Variants in TUT4 observed in about 807,000 individuals in gnomAD.
TUT4 encodes the protein terminal uridylyl transferase 4.
A neutral mutation model predicts 192.2 loss-of-function variants in TUT4; 36 were observed. That is an observed-to-expected ratio of 0.19 (90% confidence interval 0.14 to 0.25). TUT4 has a LOEUF of 0.25. TUT4 is among the 10% of genes least tolerant of loss of function. The pLI, the probability that TUT4 is intolerant of heterozygous loss-of-function variation, is 1.00. For missense variants in TUT4, 1,493 were observed against 1,957.2 expected (o/e 0.76, Z 4.47); for synonymous variants, 618 against 666.0 (o/e 0.93, Z 1.11).
intron 2 of TUT4, among the ~76,000 whole-genome samples, chr1:52,520,315 C>T (rs1001823386): frequency 7.2e-5 from 11 of 152,152 alleles, no homozygotes; most frequent in African/African-American, 2.7e-4. Context: ...ACTCTAAATA[C>T]TAGTAATGTG....
chr1:52,474,819 A>G lies in TUT4; in HGVS notation c.2727+13T>C. Reference sequence around the variant, plus strand: ...CACAAAATCTTACAGATCATTTACAAACTGTATCCTACCTTGCCAGAGGTT... The same window carrying G: ...CACAAAATCTTACAGATCATTTACAGACTGTATCCTACCTTGCCAGAGGTT... On this transcript the variant is annotated intron_variant, in intron 13 of 29. Transcript: ENST00000257177. 2 of 1,561,638 alleles carry G rather than the reference A, an allele frequency of 1.3e-6. No homozygotes were observed. Among genetic ancestry groups the G allele is most frequent in the South Asian group, 1.2e-5 (1 of 84,704 alleles).
intron 4 of TUT4, 117 bp from the exon 5 acceptor site, chr1:52,497,300 T>C (rs979856470): frequency 8.7e-6 from 9 of 1,030,844 alleles, no homozygotes; most frequent in Non-Finnish European, 1.1e-5. Context: ...TCACCTTCCA[T>C]CTACCAGATA....
At chr1:52,533,024 T>C (rs1466556647) in intron 1 of TUT4, among the ~76,000 whole-genome samples, 1 of 152,216 alleles carries the variant, frequency 6.6e-6, no homozygotes, top group African/African-American at 2.4e-5. Flanking sequence ...TGTATAGGAA[T>C]AAACAACTAA....
intron 1 of TUT4, among the ~76,000 whole-genome samples, chr1:52,541,535 A>G (rs923713709): frequency 2.0e-5 from 3 of 152,102 alleles, no homozygotes; most frequent in Non-Finnish European, 4.4e-5. Context: ...CCGTCTCAAA[A>G]AAAAAAAAGA....
chr1:52,438,722 C>G (rs1277142278), intron 24 of TUT4, among the ~76,000 whole-genome samples: 3 of 152,214 alleles, frequency 2.0e-5, no homozygotes, highest in Non-Finnish European at 4.4e-5. Context: ...CACAACAAAA[C>G]TCATGCTTTC....
At chr1:52,498,240 CTTT>C (rs556089149) in intron 4 of TUT4, among the ~76,000 whole-genome samples, 3 of 119,412 alleles carry the variant, frequency 2.5e-5, no homozygotes, top group Middle Eastern at 4.2e-3. Context: ...AGTTTCAGTA[CTTT>C]TTTTTTTTTT....
In TUT4 at chr1:52,425,496, G is replaced by C. The variant is rs1176695450; in HGVS notation, c.4723C>G (p.Arg1575Gly). 3 of 1,611,208 alleles carry C rather than the reference G, an allele frequency of 1.9e-6. No homozygotes were observed. The highest frequency in any genetic ancestry group is 2.5e-6 in the Non-Finnish European group (3 of 1,178,784). ...GAVGNSEPGF[R>G]GLTPPIPWEH... The stretch of plus-strand genomic sequence containing the variant: ...CAAGGAATTGGAGGAGTCAGTCCTC[G>C]AAAGCCTGGCTCTGCATTTCAACAA... The change falls in exon 29 of 30, where the codon CGA becomes GGA. Residue 1575 changes from arginine (R) to glycine (G), a missense_variant. Arg to Gly is a moderately radical substitution (Grantham distance 125). Transcript: ENST00000257177.
intron 20 of TUT4, among the ~76,000 whole-genome samples, chr1:52,457,610 C>G (rs183495734): frequency 3.9e-5 from 6 of 152,302 alleles, no homozygotes; most frequent in East Asian, 3.9e-4. Context: ...CCAACCAAGT[C>G]TGATGCTTGT....
intron 15 of TUT4, 66 bp from the exon 16 acceptor site, chr1:52,465,239 G>T: frequency 9.3e-7 from 1 of 1,073,722 alleles, no homozygotes; most frequent in Non-Finnish European, 1.4e-6. Context: ...TCTGCTATCT[G>T]CTGATGACCT....
chr1:52,533,923 A>G (rs1307845642), intron 1 of TUT4, among the ~76,000 whole-genome samples: 1 of 152,218 alleles, frequency 6.6e-6, no homozygotes, highest in Non-Finnish European at 1.5e-5. Context: ...CTGAGATTGC[A>G]CCACTGCACT....
At chr1:52,531,765 G>A (rs1284726311) in intron 1 of TUT4, among the ~76,000 whole-genome samples, 3 of 151,850 alleles carry the variant, frequency 2.0e-5, no homozygotes, top group Non-Finnish European at 4.4e-5. Flanking sequence ...TACCCAGGGT[G>A]GGCTCAGATA....
chr1:52,495,581 C>A, intron 5 of TUT4, 66 bp from the exon 6 acceptor site: 1 of 1,255,822 alleles, frequency 8.0e-7, no homozygotes, highest in Non-Finnish European at 1.1e-6. Flanking sequence ...AAAAAAACAG[C>A]GACGGGAAAA....
intron 2 of TUT4, among the ~76,000 whole-genome samples, chr1:52,518,368 C>T (rs781604559): frequency 1.3e-5 from 2 of 152,202 alleles, no homozygotes; most frequent in Non-Finnish European, 2.9e-5. Flanking sequence ...ATCAAGGTGT[C>T]AGCAAGGTCA....
intron 6 of TUT4, 62 bp from the exon 7 acceptor site, chr1:52,493,724 A>T: frequency 9.9e-7 from 1 of 1,011,344 alleles, no homozygotes; most frequent in Non-Finnish European, 1.5e-6. Flanking sequence ...CAGAACATTA[A>T]GGAAAACTCA....
intron 14 of TUT4, among the ~76,000 whole-genome samples, chr1:52,471,472 T>C (rs34557235): frequency 0.061 from 9,345 of 152,276 alleles, 313 homozygotes; most frequent in South Asian, 0.086. Context: ...TAACACATTC[T>C]ATTTCCAATT....
intron 1 of TUT4, among the ~76,000 whole-genome samples, chr1:52,528,462 G>A (rs995337465): frequency 1.2e-4 from 17 of 147,424 alleles, no homozygotes; most frequent in Non-Finnish European, 1.2e-4. Context: ...CTGCATTCCA[G>A]TCTGGGCAAC....
At chr1:52,483,600 AGGAGTTC>A (rs1257674272) in intron 9 of TUT4, among the ~76,000 whole-genome samples, 1 of 152,102 alleles carries the variant, frequency 6.6e-6, no homozygotes, top group African/African-American at 2.4e-5. Flanking sequence ...ACTTAAGGTC[AGGAGTTC>A]GAGACCAGCC....
chr1:52,466,074 C>A (rs1028102911), intron 15 of TUT4, among the ~76,000 whole-genome samples: 1 of 152,098 alleles, frequency 6.6e-6, no homozygotes, highest in African/African-American at 2.4e-5. Context: ...GTAGACTACA[C>A]ATTTATAGGA....
chr1:52,439,068 T>TA (rs984014427), intron 24 of TUT4, among the ~76,000 whole-genome samples: 14,745 of 79,104 alleles, frequency 0.19, 1,495 homozygotes, highest in South Asian at 0.25. Context: ...AGACTCCATC[T>TA]AAAAAAAAAA....
Sources: allele counts gnomAD v4.1 joint callset (sites outside exome capture counted in the v4.1 genomes callset), GRCh38; gene constraint gnomAD v4.1.1; transcripts MANE v1.5; gene names NCBI Gene and HGNC (gene_info 2026-07-23, HGNC 2026-07-21).